Variants in AQR observed in about 807,000 individuals in gnomAD.
The protein encoded by AQR is RNA helicase aquarius.
A neutral mutation model predicts 180.5 loss-of-function variants in AQR; 61 were observed. The observed-to-expected ratio is 0.34, with a 90% CI of 0.28 to 0.42. The LOEUF (loss-of-function observed/expected upper bound fraction) is 0.42, where lower values mean the gene tolerates loss of function less well. Among genes scored for constraint, AQR ranks in the 10% least tolerant of loss-of-function variants. The pLI, the probability that AQR is intolerant of heterozygous loss-of-function variation, is 1.00. For synonymous variants in AQR, 551 were observed against 588.8 expected, an observed-to-expected ratio of 0.94 and a Z score of 0.93; for missense variants, 1,281 against 1,798.3, an observed-to-expected ratio of 0.71 and a Z score of 5.20.
intron 31 of AQR, 174 bp from the exon 32 acceptor site, chr15:34,867,783 C>G: frequency 1.8e-6 from 1 of 544,298 alleles, no homozygotes; most frequent in Non-Finnish European, 3.2e-6. Context: ...AGAAACCATA[C>G]TAATCAGATC....
chr15:34,967,008 C>G (rs1473071291), intron 1 of AQR, among the ~76,000 whole-genome samples: 1 of 151,310 alleles, frequency 6.6e-6, no homozygotes, highest in Non-Finnish European at 1.5e-5. Context: ...TCCTGAGTAG[C>G]TGGGATTACA....
intron 27 of AQR, among the ~76,000 whole-genome samples, chr15:34,881,518 T>A (rs1002369539): frequency 1.3e-5 from 2 of 152,222 alleles, no homozygotes; most frequent in African/African-American, 4.8e-5. Context: ...TAAGTTCAGA[T>A]CAGTATCACT....
chr15:34,866,652 T>C (rs998322273), intron 32 of AQR, among the ~76,000 whole-genome samples: 4 of 152,132 alleles, frequency 2.6e-5, no homozygotes, highest in African/African-American at 9.7e-5. Context: ...TAAACCATAG[T>C]GACAGTCCAT....
At chr15:34,902,909 T>A (rs537204905) in intron 19 of AQR, among the ~76,000 whole-genome samples, 4 of 152,248 alleles carry the variant, frequency 2.6e-5, no homozygotes, top group Non-Finnish European at 5.9e-5. Flanking sequence ...ATAGACTTGC[T>A]TGCTTCATTG....
At chr15:34,906,959 A>G (rs1179064316) in intron 17 of AQR, among the ~76,000 whole-genome samples, 1 of 151,864 alleles carries the variant, frequency 6.6e-6, no homozygotes, top group African/African-American at 2.4e-5. Flanking sequence ...TGCCATGAAT[A>G]TATTACTGAA....
Position 34,884,709 on chromosome 15 carries a change from A to C in AQR, c.2843T>G (p.Ile948Ser), listed in dbSNP as rs1480793385. The C allele has an allele frequency of 6.2e-7, 1 of 1,604,176 alleles. No homozygotes were observed. The highest frequency in any genetic ancestry group is 8.5e-7 in the Non-Finnish European group (1 of 1,177,340). ...ACTACCTTTATTTTTCACTTTGCTG[A>C]TATACTCTTCCCAGCGAGACATTAC... ...YQVMSRWEEY[I>S]SKVKNKGSTL... The change falls in exon 26 of 35, where the codon ATC becomes AGC. Residue 948 changes from isoleucine to serine, a missense_variant. Physicochemically the swap from Ile to Ser is moderately radical, Grantham distance 142. Coordinates refer to ENST00000156471, the MANE Select transcript of AQR (RefSeq NM_014691.3).
At chr15:34,895,691 T>C (rs1344016825) in intron 22 of AQR, among the ~76,000 whole-genome samples, 2 of 151,698 alleles carry the variant, frequency 1.3e-5, no homozygotes, top group Non-Finnish European at 2.9e-5. Flanking sequence ...TCCATGAAGC[T>C]TCAAAATACA....
At chr15:34,888,039 TG>T (rs1281147650) in intron 24 of AQR, among the ~76,000 whole-genome samples, 25 of 152,346 alleles carry the variant, frequency 1.6e-4, no homozygotes, top group African/African-American at 6.0e-4. Context: ...GGCTCACGCC[TG>T]TAATCCCAGC....
At chr15:34,863,157 TA>T (rs1892695586) in intron 32 of AQR, 116 bp from the exon 33 acceptor site, 1 of 971,454 alleles carries the variant, frequency 1.0e-6, no homozygotes, top group Non-Finnish European at 1.5e-6. Flanking sequence ...AATAAAAAGT[TA>T]AGCTTCTTAA....
At chr15:34,953,418 A>C (rs1894262919) in intron 3 of AQR, among the ~76,000 whole-genome samples, 2 of 152,238 alleles carry the variant, frequency 1.3e-5, no homozygotes. Flanking sequence ...TATTGGAAAT[A>C]GATCAGAACA....
chr15:34,916,411 G>C (rs1893587555), intron 15 of AQR, among the ~76,000 whole-genome samples: 1 of 150,728 alleles, frequency 6.6e-6, no homozygotes, highest in African/African-American at 2.4e-5. Flanking sequence ...TTACTGATAA[G>C]TCATAGTCTC....
At chr15:34,964,600 G>A in intron 1 of AQR, 2 of 420,448 alleles carry the variant, frequency 4.8e-6, no homozygotes, top group Non-Finnish European at 8.9e-6. Context: ...CTTCAGCATG[G>A]CAATAAGGAA....
chr15:34,929,169 T>C (rs1893811144), intron 12 of AQR, among the ~76,000 whole-genome samples: 1 of 152,248 alleles, frequency 6.6e-6, no homozygotes, highest in Non-Finnish European at 1.5e-5. Flanking sequence ...TAGTTTCTTC[T>C]GCTGTGCAGA....
chr15:34,919,238 C>CAAAAAAAAAAAAAAAAAAA (rs35127817), intron 14 of AQR, among the ~76,000 whole-genome samples: 1 of 111,276 alleles, frequency 9.0e-6, no homozygotes, highest in Non-Finnish European at 1.9e-5. Flanking sequence ...GACTCCATCT[C>CAAAAAAAAAAAAAAAAAAA]AAAAAAAAAA....
At chr15:34,949,880 C>T (rs1425943409) in intron 4 of AQR, among the ~76,000 whole-genome samples, 1 of 148,400 alleles carries the variant, frequency 6.7e-6, no homozygotes, top group Non-Finnish European at 1.5e-5. Context: ...GTAGGAGGAT[C>T]ACTTGGGCCT....
chr15:34,874,037 T>C, intron 29 of AQR, 38 bp from the exon 30 acceptor site: 1 of 1,550,378 alleles, frequency 6.5e-7, no homozygotes, highest in Non-Finnish European at 8.7e-7. Context: ...CAGAAAATAT[T>C]AGCAGTGTAA....
chr15:34,942,178 A>C, intron 6 of AQR, 98 bp from the exon 7 acceptor site: 1 of 672,746 alleles, frequency 1.5e-6, no homozygotes. Context: ...TCCTGGAGGG[A>C]AAACATGCCA....
intron 14 of AQR, 72 bp downstream of exon 14, chr15:34,920,260 C>T: frequency 9.1e-7 from 1 of 1,095,258 alleles, no homozygotes; most frequent in Non-Finnish European, 1.3e-6. Flanking sequence ...TCTATATGAA[C>T]CTACATCTTT....
At chr15:34,897,919 G>A (rs781052532) in intron 20 of AQR, among the ~76,000 whole-genome samples, 3 of 152,126 alleles carry the variant, frequency 2.0e-5, no homozygotes, top group Non-Finnish European at 4.4e-5. Flanking sequence ...CCCAGTTAAC[G>A]GAGAATTACG....
Sources: gnomAD v4.1 joint callset for allele counts (sites outside exome capture counted in the v4.1 genomes callset) on GRCh38, gnomAD v4.1.1 for gene constraint, MANE v1.5 for transcripts, NCBI Gene and HGNC (gene_info 2026-07-23, HGNC 2026-07-21) for gene names.